Variants in PLXNA4 observed in about 807,000 individuals in gnomAD.
The protein encoded by PLXNA4 is plexin-A4.
Under a neutral mutation model 191.8 loss-of-function variants are expected in PLXNA4, and 44 were observed. The ratio of observed to expected loss-of-function variants is 0.23; its 90% CI spans 0.18 to 0.29. The LOEUF (loss-of-function observed/expected upper bound fraction) is 0.29, where lower values mean the gene tolerates loss of function less well. Among genes scored for constraint, PLXNA4 ranks in the 10% least tolerant of loss-of-function variants. PLXNA4 has a pLI of 1.00. For synonymous variants in PLXNA4, 1,082 were observed against 1,009.5 expected (o/e 1.07, Z -1.36); for missense variants, 1,800 against 2,488.8 (o/e 0.72, Z 5.89).
At chr7:132,377,068 T>C (rs1409231951) in intron 3 of PLXNA4, among the ~76,000 whole-genome samples, 2 of 152,144 alleles carry the variant, frequency 1.3e-5, no homozygotes, top group African/African-American at 4.8e-5. Flanking sequence ...AATCCTACAC[T>C]AGATTCCCCA....
At chr7:132,243,204 G>A (rs924453239) in intron 4 of PLXNA4, among the ~76,000 whole-genome samples, 1 of 152,178 alleles carries the variant, frequency 6.6e-6, no homozygotes, top group South Asian at 2.1e-4. Context: ...AATAATAAAA[G>A]GGGCCATAAA....
At chr7:132,571,449 G>A (rs79997630) in intron 1 of PLXNA4, among the ~76,000 whole-genome samples, 4,675 of 152,268 alleles carry the variant, frequency 0.031, 115 homozygotes, top group Admixed American at 0.075. Context: ...AGCACCGCAT[G>A]ATGTCCCTAG....
chr7:132,200,825 T>C (rs1472702857), intron 12 of PLXNA4, among the ~76,000 whole-genome samples: 2 of 152,226 alleles, frequency 1.3e-5, no homozygotes, highest in Admixed American at 1.3e-4. Flanking sequence ...AGATCTGGGA[T>C]TCAGGACCAT....
chr7:132,535,056 A>ATC (rs1799777096), intron 1 of PLXNA4, among the ~76,000 whole-genome samples: 2 of 152,366 alleles, frequency 1.3e-5, no homozygotes, highest in South Asian at 4.1e-4. Context: ...AGGCACTGGT[A>ATC]ATCAATAAGA....
intron 3 of PLXNA4, among the ~76,000 whole-genome samples, chr7:132,468,392 AT>A (rs1266844502): frequency 6.6e-6 from 1 of 152,144 alleles, no homozygotes; most frequent in Non-Finnish European, 1.5e-5. Context: ...TATATCAATA[AT>A]TTTTCCTAAT....
rs776916708 is a variant in PLXNA4, at chr7:132,185,466, G to A, written c.2994-3C>T. The A allele has an allele frequency of 6.2e-7, 1 of 1,610,424 alleles. No homozygotes were observed. Among genetic ancestry groups the A allele is most frequent in the South Asian group, 1.1e-5 (1 of 90,210 alleles). On this transcript the variant is annotated splice_region_variant and splice_polypyrimidine_tract_variant and intron_variant, in intron 15 of 31. Coordinates refer to ENST00000321063, the MANE Select transcript of PLXNA4 (RefSeq NM_020911.2). ...AGACAATGTAGGATGGAGATCGCCT[G>A]GAGGGCAGGAAGACAGAGCACTGGG...
intron 4 of PLXNA4, among the ~76,000 whole-genome samples, chr7:132,283,409 C>T (rs561917499): frequency 3.3e-5 from 5 of 152,280 alleles, no homozygotes; most frequent in South Asian, 2.1e-4. Context: ...AGGAAAGCTT[C>T]GCAGACCTAG....
intron 1 of PLXNA4, among the ~76,000 whole-genome samples, chr7:132,530,691 C>T (rs1324286267): frequency 6.6e-6 from 1 of 152,174 alleles, no homozygotes. Context: ...GATGGTTCCT[C>T]AAAAAGCTAA....
At chr7:132,363,929 T>A (rs1046671215) in intron 3 of PLXNA4, among the ~76,000 whole-genome samples, 3 of 152,236 alleles carry the variant, frequency 2.0e-5, no homozygotes, top group Middle Eastern at 3.2e-3. Context: ...TGCCCTCACC[T>A]CCTGCTGCCC....
intron 2 of PLXNA4, among the ~76,000 whole-genome samples, chr7:132,604,431 G>A (rs1802884484): frequency 6.6e-6 from 1 of 152,054 alleles, no homozygotes; most frequent in Non-Finnish European, 1.5e-5. Context: ...TCTGCCCCTG[G>A]GTTCCATGAA....
At chr7:132,563,162 CCTCCTT>C (rs1801402017) in intron 1 of PLXNA4, among the ~76,000 whole-genome samples, 1 of 79,962 alleles carries the variant, frequency 1.3e-5, no homozygotes, top group Non-Finnish European at 2.8e-5. Context: ...TTCTCCTCCT[CCTCCTT>C]CTCCTCCTCC....
At chr7:132,252,073 C>T (rs979858592) in intron 4 of PLXNA4, among the ~76,000 whole-genome samples, 3 of 152,086 alleles carry the variant, frequency 2.0e-5, no homozygotes, top group African/African-American at 7.2e-5. Context: ...ACCCTATCTC[C>T]TGTCTCAAGG....
intron 22 of PLXNA4, 81 bp from the exon 23 acceptor site, chr7:132,165,281 A>G: frequency 6.5e-7 from 1 of 1,542,630 alleles, no homozygotes; most frequent in Middle Eastern, 1.7e-4. Context: ...TGGGAAGGGC[A>G]AGGGAGGAAT....
chr7:132,350,001 T>C (rs1279087005), intron 3 of PLXNA4, among the ~76,000 whole-genome samples: 1 of 152,136 alleles, frequency 6.6e-6, no homozygotes, highest in Admixed American at 6.5e-5. Flanking sequence ...GAAATGAATG[T>C]GTGCTGCAGC....
At chr7:132,213,770 C>T (rs1797876923) in intron 9 of PLXNA4, among the ~76,000 whole-genome samples, 1 of 152,128 alleles carries the variant, frequency 6.6e-6, no homozygotes, top group Non-Finnish European at 1.5e-5. Flanking sequence ...AGCTTTCCCT[C>T]CCCTGAAGCA....
In PLXNA4 at chr7:132,130,114, G is replaced by A. The variant is rs1233427020; in HGVS notation, c.*365C>T. On this transcript the variant is annotated 3_prime_UTR_variant, in exon 32 of 32. Coordinates refer to ENST00000321063, the MANE Select transcript of PLXNA4 (RefSeq NM_020911.2). The stretch of plus-strand genomic sequence containing the variant: ...GAAGGTGAAGTAGCAGCACAGAAAT[G>A]TCCCCTGTCCCTGGCTCCTCATTCG... The A allele has an allele frequency of 4.3e-6, 1 of 232,564 alleles. No individual in the cohort carries two copies. Among genetic ancestry groups the A allele is most frequent in the East Asian group, 9.1e-5 (1 of 10,990 alleles). 14.4% of individuals were successfully genotyped at this position (232,564 alleles called of 1,614,324 possible). A position where few individuals can be genotyped will look rare whatever the true frequency, so the allele number is the denominator to read the frequency against.
chr7:132,434,145 C>T (rs1795381700), intron 3 of PLXNA4, among the ~76,000 whole-genome samples: 1 of 152,226 alleles, frequency 6.6e-6, no homozygotes, highest in Non-Finnish European at 1.5e-5. Context: ...TTCCTATTTC[C>T]TCAGTTTCTG....
At chr7:132,500,219 G>A (rs1250620670) in intron 2 of PLXNA4, among the ~76,000 whole-genome samples, 1 of 152,202 alleles carries the variant, frequency 6.6e-6, no homozygotes, top group Non-Finnish European at 1.5e-5. Context: ...GCCGAGGTGG[G>A]TGGATCACCT....
chr7:132,472,215 A>T (rs1227686155), intron 3 of PLXNA4, among the ~76,000 whole-genome samples: 1 of 152,110 alleles, frequency 6.6e-6, no homozygotes, highest in Non-Finnish European at 1.5e-5. Flanking sequence ...TTTTTTCCCC[A>T]TATCTTCATT....
Sources: gnomAD v4.1 joint callset for allele counts (sites outside exome capture counted in the v4.1 genomes callset) on GRCh38, gnomAD v4.1.1 for gene constraint, MANE v1.5 for transcripts, NCBI Gene and HGNC (gene_info 2026-07-23, HGNC 2026-07-21) for gene names.